KCNK5: variants seen among roughly 807,000 people sequenced by gnomAD.
KCNK5 encodes the protein potassium two pore domain channel subfamily K member 5.
A neutral mutation model predicts 32.9 loss-of-function variants in KCNK5; 18 were observed. The observed-to-expected ratio is 0.55, with a 90% CI of 0.38 to 0.81. KCNK5 has a LOEUF of 0.81. KCNK5 is among the 30% of genes least tolerant of loss of function. The pLI is 0.00. For missense variants in KCNK5, 507 were observed against 651.0 expected, an observed-to-expected ratio of 0.78 and a Z score of 2.41; for synonymous variants, 276 against 275.3, an observed-to-expected ratio of 1.00 and a Z score of -0.03.
chr6:39,191,010 G>A lies in KCNK5; in HGVS notation c.1380C>T (p.Asn460=). The A allele has an allele frequency of 5.0e-6, 8 of 1,594,624 alleles. No homozygotes were observed. The highest frequency in any genetic ancestry group is 6.8e-6 in the Non-Finnish European group (8 of 1,171,028). Residue 460 remains asparagine, a synonymous_variant, in exon 5 of 5, where the codon AAC becomes AAT. Coordinates refer to ENST00000359534, the MANE Select transcript of KCNK5 (RefSeq NM_003740.4). The surrounding 1 kb of genome is among the most constrained non-coding windows in gnomAD (Gnocchi z 5.8). ...CGGAGGAGGAGGGGAACTCGCCCAT[G>A]TTCAGGGGCGCCTTGGCTTCAGCCC... The part of the protein sequence containing the change: ...QQGAEAKAPL[N]MGEFPSSSES...
At chr6:39,205,635 C>G (rs1307129937) in intron 1 of KCNK5, among the ~76,000 whole-genome samples, 2 of 152,184 alleles carry the variant, frequency 1.3e-5, no homozygotes, top group Non-Finnish European at 2.9e-5. Context: ...TCTGACACCT[C>G]TCTGCCCTGA....
Position 39,191,306 on chromosome 6 carries a change from G to T in KCNK5, c.1084C>A (p.Leu362Met). 1.2e-6 allele frequency: 2 copies of T among 1,614,038 alleles called. No individual in the cohort carries two copies. The highest frequency in any genetic ancestry group is 1.7e-6 in the Non-Finnish European group (2 of 1,180,032). The change falls in exon 5 of 5, where the codon CTG (leucine) becomes ATG (methionine). Residue 362 changes from leucine (L) to methionine (M), a missense_variant. Physicochemically the swap from Leu to Met is conservative, Grantham distance 15. Transcript: ENST00000359534. This position sits in a 1 kb window ranked among gnomAD's most constrained non-coding sequence, Gnocchi z 5.8. ...VPTLEEVSQTLRSKGHVSRSP... is the reference protein window; with the variant it reads ...VPTLEEVSQTMRSKGHVSRSP... ...CTTGATACGTGGCCTTTGCTCCTCA[G>T]TGTCTGTGACACCTCTTCCAAGGTG...
chr6:39,204,139 C>CA (rs1414375531), intron 1 of KCNK5, among the ~76,000 whole-genome samples: 1 of 152,270 alleles, frequency 6.6e-6, no homozygotes, highest in Non-Finnish European at 1.5e-5. Flanking sequence ...TGGGCTGTTG[C>CA]AAAGCGGACT....
At chr6:39,201,638 C>T (rs2815106) in intron 1 of KCNK5, among the ~76,000 whole-genome samples, 41,237 of 152,068 alleles carry the variant, frequency 0.27, 5,874 homozygotes, top group East Asian at 0.55. Context: ...TAGAGCTGAC[C>T]CTCTTATGTG....
chr6:39,191,725 A>T lies in KCNK5; in HGVS notation c.665T>A (p.Leu222Gln). ...CCAGAGCTCCACGAAGTAGCGGTAC[A>T]GGGCGTGGTAGTTGGCGCTGGGGTT... ...GVNPSANYHA[L>Q]YRYFVELWIY... The change falls in exon 5 of 5, where the codon CTG becomes CAG. Residue 222 changes from leucine to glutamine, a missense_variant. Coordinates refer to ENST00000359534, the MANE Select transcript of KCNK5 (RefSeq NM_003740.4). The surrounding 1 kb of genome is among the most constrained non-coding windows in gnomAD (Gnocchi z 5.8). 6.2e-7 allele frequency: 1 copy of T among 1,613,110 alleles called. No individual in the cohort carries two copies. Among genetic ancestry groups the T allele is most frequent in the Non-Finnish European group, 8.5e-7 (1 of 1,179,260 alleles).
In KCNK5 at chr6:39,196,302, C is replaced by T. The variant is rs545006192; in HGVS notation, c.187-315G>A. The stretch of plus-strand genomic sequence containing the variant: ...AACAGACTGCTGGCCCCTACTACTC[C>T]GAGTTTCTGATTTAGGAGGTCTAGA... On this transcript the variant is annotated intron_variant, in intron 1 of 4. Transcript: ENST00000359534. Among the ~76,000 whole-genome samples, 18 of 152,284 alleles carry T rather than the reference C, an allele frequency of 1.2e-4. No individual in the cohort carries two copies. In the South Asian group the frequency reaches 1.4e-3, roughly 12 times the overall value.
chr6:39,217,118 CAAAAAAAAAAAAAAAAA>C, intron 1 of KCNK5, among the ~76,000 whole-genome samples: 1 of 74,448 alleles, frequency 1.3e-5, no homozygotes, highest in East Asian at 4.8e-4. Flanking sequence ...AAAACTCCAT[CAAAAAAAAAAAAAAAAA>C]AAAAAAAAGA....
At chr6:39,192,087 A>C (rs1257681954) in intron 4 of KCNK5, among the ~76,000 whole-genome samples, 1 of 151,982 alleles carries the variant, frequency 6.6e-6, no homozygotes, top group Non-Finnish European at 1.5e-5. Flanking sequence ...TGAGGTCAGG[A>C]GTTCGAAACC....
chr6:39,219,924 G>T (rs114068530), intron 1 of KCNK5, among the ~76,000 whole-genome samples: 13 of 152,210 alleles, frequency 8.5e-5, no homozygotes, highest in African/African-American at 3.1e-4. Context: ...ATGAATGGAC[G>T]AGTCCAGAGA....
At position 39,191,572 on chromosome 6, in the gene KCNK5, G is replaced by C. The variant is rs758174126; in HGVS notation, c.818C>G (p.Ser273Cys). The change falls in exon 5 of 5, where the codon TCC becomes TGC. Residue 273 changes from serine (S) to cysteine (C), a missense_variant. Ser to Cys is a moderately radical substitution (Grantham distance 112). Coordinates refer to ENST00000359534, the MANE Select transcript of KCNK5 (RefSeq NM_003740.4). This position sits in a 1 kb window ranked among gnomAD's most constrained non-coding sequence, Gnocchi z 5.8. ...RKESFESSPH[S>C]RKALQVKGST... ...CCCCTTCACCTGCAGGGCCTTCCGG[G>C]AGTGTGGGGAGCTCTCAAAGGACTC... 7 of 1,614,000 alleles carry C rather than the reference G, an allele frequency of 4.3e-6. No individual in the cohort carries two copies. Among genetic ancestry groups the C allele is most frequent in the South Asian group, 2.2e-5 (2 of 91,078 alleles).
At chr6:39,224,582 G>A (rs527487073) in intron 1 of KCNK5, among the ~76,000 whole-genome samples, 56 of 152,328 alleles carry the variant, frequency 3.7e-4, no homozygotes, top group Non-Finnish European at 3.7e-4. Flanking sequence ...AAAATGAAAG[G>A]AGGTACATAT....
Position 39,229,156 on chromosome 6 carries a change from A to G in KCNK5, c.-45T>C. 6.3e-7 allele frequency: 1 copy of G among 1,592,796 alleles called. No individual in the cohort carries two copies. Among genetic ancestry groups the G allele is most frequent in the Non-Finnish European group, 8.6e-7 (1 of 1,166,892 alleles). ...CCTAGAGAAAGCCTCTCCTAGCCCC[A>G]GCTGCTACCAGTCCGCCCGCCCTCC... On this transcript the variant is annotated 5_prime_UTR_variant, in exon 1 of 5. Coordinates refer to ENST00000359534, the MANE Select transcript of KCNK5 (RefSeq NM_003740.4).
In KCNK5 at chr6:39,194,772, G is replaced by C. The variant is rs747140992; in HGVS notation, c.299-12C>G. 3 of 1,613,566 alleles carry C rather than the reference G, an allele frequency of 1.9e-6. No individual in the cohort carries two copies. The highest frequency in any genetic ancestry group is 2.5e-6 in the Non-Finnish European group (3 of 1,179,744). On this transcript the variant is annotated splice_polypyrimidine_tract_variant and intron_variant, in intron 2 of 4. Coordinates refer to ENST00000359534, the MANE Select transcript of KCNK5 (RefSeq NM_003740.4). The surrounding 1 kb of genome is among the most constrained non-coding windows in gnomAD (Gnocchi z 4.7). ...CACATTGCCATATCCTGAGGAAGGA[G>C]AGAGTGAGGCCAAGAACAGGAGGGG...
chr6:39,198,963 G>A (rs146742625), intron 1 of KCNK5, among the ~76,000 whole-genome samples: 2,343 of 152,328 alleles, frequency 0.015, 21 homozygotes, highest in South Asian at 0.053. Flanking sequence ...TCTCCACTGG[G>A]GTGGTAGTGC....
chr6:39,196,784 T>G (rs1035861620), intron 1 of KCNK5, among the ~76,000 whole-genome samples: 2 of 152,212 alleles, frequency 1.3e-5, no homozygotes, highest in Non-Finnish European at 2.9e-5. Flanking sequence ...GGGTGACTCA[T>G]AACTGTGCTA....
At position 39,191,457 on chromosome 6, in the gene KCNK5, C is replaced by T. The variant is rs1562049150; in HGVS notation, c.933G>A (p.Lys311=). ...CCCCACCCCCGCTTGTCTTCATGGC[C>T]TTCTTCCCGATCTGCTTGATGAGGT... ...YNDLIKQIGK[K]AMKTSGGGET... The change falls in exon 5 of 5, where the codon AAG becomes AAA. Residue 311 remains lysine, a synonymous_variant. Transcript: ENST00000359534. The surrounding 1 kb of genome is among the most constrained non-coding windows in gnomAD (Gnocchi z 5.8). 1.9e-6 allele frequency: 3 copies of T among 1,613,628 alleles called. No individual in the cohort carries two copies. The highest frequency in any genetic ancestry group is 2.5e-6 in the Non-Finnish European group (3 of 1,179,978).
In KCNK5 at chr6:39,189,209, T is replaced by C. The variant is rs2113774016; in HGVS notation, c.*1681A>G. ...ACGTGCCCATCACTGTCTTCACATG[T>C]TGGGGAGGTGGGCTCTGGCCCCACT... is the stretch of plus-strand genomic sequence containing the variant. On this transcript the variant is annotated 3_prime_UTR_variant, in exon 5 of 5. Coordinates refer to ENST00000359534, the MANE Select transcript of KCNK5 (RefSeq NM_003740.4). 1 of 152,150 alleles carries C rather than the reference T, an allele frequency of 6.6e-6. No homozygotes were observed. The highest frequency in any genetic ancestry group is 3.4e-3 in the Middle Eastern group (1 of 294). The allele number at this position is 152,150 out of a possible 1,614,324, so 9.4% of individuals were successfully genotyped here. A position where few individuals can be genotyped will look rare whatever the true frequency, so the allele number is the denominator to read the frequency against.
intron 1 of KCNK5, among the ~76,000 whole-genome samples, chr6:39,221,323 C>T (rs1583721573): frequency 1.3e-5 from 2 of 152,256 alleles, no homozygotes; most frequent in South Asian, 4.2e-4. Context: ...CCTGTCACTC[C>T]CAGCCCCCGA....
At chr6:39,205,458 T>C (rs1771207675) in intron 1 of KCNK5, among the ~76,000 whole-genome samples, 1 of 152,174 alleles carries the variant, frequency 6.6e-6, no homozygotes, top group Non-Finnish European at 1.5e-5. Context: ...ACATCCTTCA[T>C]TTACCTATAG....
Sources: gnomAD v4.1 joint callset for allele counts (sites outside exome capture counted in the v4.1 genomes callset) on GRCh38, gnomAD v4.1.1 for gene constraint, Gnocchi (gnomAD v3.1) non-coding constraint, MANE v1.5 for transcripts, NCBI Gene and HGNC (gene_info 2026-07-23, HGNC 2026-07-21) for gene names.